Variants in NOX5 observed in about 807,000 individuals in gnomAD.
The protein encoded by NOX5 is NADPH oxidase, EF-hand calcium binding domain 5.
Under a neutral mutation model 85.7 loss-of-function variants are expected in NOX5, and 76 were observed. The ratio of observed to expected loss-of-function variants is 0.89; its 90% CI spans 0.74 to 1.07. The LOEUF (loss-of-function observed/expected upper bound fraction) is 1.07, where lower values mean the gene tolerates loss of function less well. NOX5 is among the 50% of genes least tolerant of loss of function. The pLI is 0.00. For missense variants in NOX5, 973 were observed against 999.5 expected, an observed-to-expected ratio of 0.97 and a Z score of 0.36; for synonymous variants, 405 against 401.4, an observed-to-expected ratio of 1.01 and a Z score of -0.11.
In NOX5 at chr15:69,059,712, G is replaced by A. The variant is rs887482021; in HGVS notation, c.*3016G>A. ...GGTCTGACCATCTGGATGTTTCCCAGATGTGCAGATGGGCATCATCGGCCA... is the reference window on the plus strand; with the variant it reads ...GGTCTGACCATCTGGATGTTTCCCAAATGTGCAGATGGGCATCATCGGCCA... On this transcript the variant is annotated 3_prime_UTR_variant, in exon 16 of 16. Coordinates refer to ENST00000388866, the MANE Select transcript of NOX5 (RefSeq NM_024505.4). The A allele has an allele frequency of 2.0e-5, 3 of 152,206 alleles. No homozygotes were observed. Among genetic ancestry groups the A allele is most frequent in the Admixed American group, 6.5e-5 (1 of 15,280 alleles). The allele number at this position is 152,206 out of a possible 1,614,324, so 9.4% of individuals were successfully genotyped here. A position where few individuals can be genotyped will look rare whatever the true frequency, so the allele number is the denominator to read the frequency against.
intron 14 of NOX5, among the ~76,000 whole-genome samples, chr15:69,054,349 G>GGGA (rs1235339960): frequency 3.3e-5 from 5 of 152,142 alleles, no homozygotes; most frequent in African/African-American, 1.2e-4. Context: ...CTGGCCTTGT[G>GGGA]GGCTCCTTCG....
intron 1 of NOX5, among the ~76,000 whole-genome samples, chr15:69,015,053 G>T (rs2050214915): frequency 6.6e-6 from 1 of 152,190 alleles, no homozygotes; most frequent in African/African-American, 2.4e-5. Flanking sequence ...CTTTCCAGTT[G>T]TACTTTTCCA....
intron 10 of NOX5, among the ~76,000 whole-genome samples, chr15:69,044,545 T>C (rs2050638503): frequency 6.6e-6 from 1 of 152,324 alleles, no homozygotes; most frequent in African/African-American, 2.4e-5. Context: ...AATAAATTGC[T>C]GATCACCTTT....
chr15:69,048,809 T>C, intron 13 of NOX5, 150 bp from the exon 14 acceptor site: 1 of 554,968 alleles, frequency 1.8e-6, no homozygotes, highest in Admixed American at 3.0e-5. Context: ...TGCTCACCTC[T>C]ATGAGCCTTG....
chr15:69,021,308 CATT>C (rs1157154807), intron 1 of NOX5, among the ~76,000 whole-genome samples: 4 of 151,118 alleles, frequency 2.6e-5, no homozygotes, highest in Non-Finnish European at 5.9e-5. Flanking sequence ...CTGGCCCTGA[CATT>C]ATTTTCAATG....
At chr15:69,036,297 C>T (rs563111261) in intron 7 of NOX5, among the ~76,000 whole-genome samples, 31 of 152,320 alleles carry the variant, frequency 2.0e-4, no homozygotes, top group African/African-American at 7.0e-4. Context: ...GTTCTCTCAT[C>T]TGTAAAATGG....
In NOX5 at chr15:69,028,357, A is replaced by G; in HGVS notation, c.317A>G (p.Asp106Gly). Residue 106 changes from aspartate to glycine, a missense_variant, in exon 3 of 16, where the codon GAC becomes GGC. By Grantham distance (94) the Asp-to-Gly change is moderately conservative. Transcript: ENST00000388866. The part of the protein sequence containing the change: ...DKLKFLFQVY[D>G]IDVCARQGAS... ...CTCAAATTCCTCTTCCAGGTGTATG[A>G]CATCGATGGTAAGGGCTCTTCCTGG... 6.2e-7 allele frequency: 1 copy of G among 1,602,086 alleles called. No individual in the cohort carries two copies. Among genetic ancestry groups the G allele is most frequent in the Admixed American group, 1.7e-5 (1 of 58,948 alleles).
In NOX5 at chr15:69,028,212, C is replaced by A. The variant is rs1470648266; in HGVS notation, c.175-3C>A. 5 of 1,595,888 alleles carry A rather than the reference C, an allele frequency of 3.1e-6. No homozygotes were observed. Among genetic ancestry groups the A allele is most frequent in the Non-Finnish European group, 4.3e-6 (5 of 1,171,076 alleles). On this transcript the variant is annotated splice_region_variant and splice_polypyrimidine_tract_variant and intron_variant, in intron 2 of 15. Transcript: ENST00000388866. ...TGCTGTCTTCCACCCTTCTCGCCCA[C>A]AGTCCTTCTTTGCAGAGCGATTCTT...
intron 1 of NOX5, among the ~76,000 whole-genome samples, chr15:69,015,962 G>T (rs2050227665): frequency 6.6e-6 from 1 of 152,236 alleles, no homozygotes; most frequent in African/African-American, 2.4e-5. Flanking sequence ...CAGGACAGTG[G>T]TTCTCTGGGG....
intron 9 of NOX5, among the ~76,000 whole-genome samples, chr15:69,040,417 C>G (rs2050579224): frequency 6.6e-6 from 1 of 152,194 alleles, no homozygotes; most frequent in African/African-American, 2.4e-5. Flanking sequence ...CTCTCTCTAT[C>G]TATCTATCTA....
chr15:69,023,755 TTCA>T (rs2050323207), intron 1 of NOX5: 1 of 170,176 alleles, frequency 5.9e-6, no homozygotes, highest in South Asian at 1.5e-4. Flanking sequence ...GGTGGACACC[TTCA>T]TCATCATGAT....
rs755625779 is a variant in NOX5 at position 69,031,742 on chromosome 15, G to A, written c.550G>A (p.Ala184Thr). ...FESADADGNG[A>T]ITFEELRDEL... ...ATCGGCCGACGCGGACGGCAACGGG[G>A]CCATCACCTTCGAGGAGCTCCGGGA... The change falls in exon 4 of 16, where the codon GCC (alanine) becomes ACC (threonine). Residue 184 changes from alanine (A) to threonine (T), a missense_variant. Physicochemically the swap from Ala to Thr is moderately conservative, Grantham distance 58. Transcript: ENST00000388866. 2 of 1,612,564 alleles carry A rather than the reference G, an allele frequency of 1.2e-6. No homozygotes were observed. Among genetic ancestry groups the A allele is most frequent in the South Asian group, 2.2e-5 (2 of 90,986 alleles).
At chr15:69,017,105 A>G (rs768108640) in intron 1 of NOX5, among the ~76,000 whole-genome samples, 1 of 152,144 alleles carries the variant, frequency 6.6e-6, no homozygotes, top group Non-Finnish European at 1.5e-5. Flanking sequence ...CTTGGTCTCC[A>G]TAACCCCTTA....
chr15:69,047,513 C>G lies in NOX5; in HGVS notation c.1793C>G (p.Ser598Cys), dbSNP rs1237680922. Reference sequence around the variant, plus strand: ...GGCATCGGCATCACCCCCTTTGCTTCCATTCTGCAGAGTATCATGTACAGG... The same window carrying G: ...GGCATCGGCATCACCCCCTTTGCTTGCATTCTGCAGAGTATCATGTACAGG... ...GAGIGITPFA[S>C]ILQSIMYRHQ... Residue 598 changes from serine to cysteine, a missense_variant, in exon 12 of 16, where the codon TCC (serine) becomes TGC (cysteine). By Grantham distance (112) the Ser-to-Cys change is moderately radical. Transcript: ENST00000388866. 5.6e-6 allele frequency: 9 copies of G among 1,613,906 alleles called. No individual in the cohort carries two copies. Among genetic ancestry groups the G allele is most frequent in the African/African-American group, 1.3e-5 (1 of 74,902 alleles).
At chr15:69,045,809 G>A (rs1470406278) in intron 10 of NOX5, 1 of 152,058 alleles carries the variant, frequency 6.6e-6, no homozygotes, top group Non-Finnish European at 1.5e-5. Context: ...GCCATCAGAA[G>A]GACTAAAGAA....
intron 14 of NOX5, among the ~76,000 whole-genome samples, chr15:69,054,607 G>C (rs894401603): frequency 6.6e-6 from 1 of 152,118 alleles, no homozygotes; most frequent in Non-Finnish European, 1.5e-5. Context: ...CTCTCACTCT[G>C]TACTCACACT....
rs2050842635 is a variant in NOX5 at position 69,058,665 on chromosome 15, C to T, written c.*1969C>T. On this transcript the variant is annotated 3_prime_UTR_variant, in exon 16 of 16. Transcript: ENST00000388866. ...AGACCTGGTGTTGGGGCCTTCCAAC[C>T]AGATCGTGTTTAATTTCCAGCAAGC... is the stretch of plus-strand genomic sequence containing the variant. 6.6e-6 allele frequency: 1 copy of T among 152,092 alleles called. No individual in the cohort carries two copies. Among genetic ancestry groups the T allele is most frequent in the Non-Finnish European group, 1.5e-5 (1 of 68,034 alleles). The allele number at this position is 152,092 out of a possible 1,614,324, so 9.4% of individuals were successfully genotyped here.
At chr15:69,044,399 A>G (rs1377505917) in intron 10 of NOX5, among the ~76,000 whole-genome samples, 3 of 152,214 alleles carry the variant, frequency 2.0e-5, no homozygotes, top group African/African-American at 7.2e-5. Flanking sequence ...ATCTCAGGTG[A>G]TAATAAATGC....
chr15:69,056,874 C>G lies in NOX5; in HGVS notation c.*178C>G, dbSNP rs117012479. The G allele has an allele frequency of 1.3e-3, 895 of 670,728 alleles. 20 individuals are homozygous for G. In the East Asian group the frequency reaches 0.024, roughly 18 times the overall value. 41.5% of individuals were successfully genotyped at this position (670,728 alleles called of 1,614,324 possible). A position where few individuals can be genotyped will look rare whatever the true frequency, so the allele number is the denominator to read the frequency against. On this transcript the variant is annotated 3_prime_UTR_variant, in exon 16 of 16. Transcript: ENST00000388866. Reference sequence around the variant, plus strand: ...ACCCCAAGGGGCAGATGAACTTCCTCTAGAACCCAGGGGAAGGGACAGTGC... The same window carrying G: ...ACCCCAAGGGGCAGATGAACTTCCTGTAGAACCCAGGGGAAGGGACAGTGC...
Sources: allele counts gnomAD v4.1 joint callset (sites outside exome capture counted in the v4.1 genomes callset), GRCh38; gene constraint gnomAD v4.1.1; transcripts MANE v1.5; gene names NCBI Gene and HGNC (gene_info 2026-07-23, HGNC 2026-07-21).